The following ANKRD30BL variants were observed in gnomAD, a reference collection of about 807,000 sequenced individuals.
ANKRD30BL encodes ankyrin repeat domain 30B like, also known as putative ankyrin repeat domain-containing protein 30B-like.
Under a neutral mutation model 18.4 loss-of-function variants are expected in ANKRD30BL, and 20 were observed. The observed-to-expected ratio is 1.09, with a 90% CI of 0.77 to 1.58. The LOEUF (loss-of-function observed/expected upper bound fraction) is 1.58. Among genes scored for constraint, ANKRD30BL ranks in the 40% most tolerant of loss-of-function variants. The pLI, the probability that ANKRD30BL is intolerant of heterozygous loss-of-function variation, is 0.00. For missense variants in ANKRD30BL, 224 were observed against 268.6 expected (o/e 0.83, Z 1.16); for synonymous variants, 72 against 100.9 (o/e 0.71, Z 1.72).
upstream of ANKRD30BL, chr2:132,161,986 G>A (rs368671388): frequency 3.1e-6 from 1 of 323,118 alleles, no homozygotes; most frequent in South Asian, 4.3e-5. Context: ...GCAGACCTGG[G>A]AGACACGCGA....
In ANKRD30BL at chr2:132,157,386, C is replaced by A. The variant is rs1687939980; in HGVS notation, c.256G>T (p.Glu86Ter). 2 of 752,072 alleles carry A rather than the reference C, an allele frequency of 2.7e-6. No homozygotes were observed. The highest frequency in any genetic ancestry group is 5.0e-5 in the East Asian group (2 of 40,122). The allele number at this position is 752,072 out of a possible 1,614,324, so 46.6% of individuals were successfully genotyped here. A position where few individuals can be genotyped will look rare whatever the true frequency, so the allele number is the denominator to read the frequency against. ...LYWACANGHAEVVTLLVDRKC... is the reference protein window; with the variant it reads ...LYWACANGHA Reference sequence around the variant, plus strand: ...CTATCTACCAGAAGTGTTACTACTTCTGCATGGCCATTGGCACAGGCCCAG... The same window carrying A: ...CTATCTACCAGAAGTGTTACTACTTATGCATGGCCATTGGCACAGGCCCAG... Residue 86 changes from glutamate to a stop codon, truncating the protein, a stop_gained, in exon 2 of 6, where the codon GAA becomes TAA. Coordinates refer to ENST00000409867, the MANE Select transcript of ANKRD30BL (RefSeq NM_001358416.1). LOFTEE classifies it high-confidence loss of function.
At chr2:132,202,772 G>C (rs1312669629) in intron 1 of ANKRD30BL, among the ~76,000 whole-genome samples, 1 of 152,118 alleles carries the variant, frequency 6.6e-6, no homozygotes, top group Non-Finnish European at 1.5e-5. Context: ...GAATGACAAT[G>C]GAATATCAGT....
chr2:132,222,151 ACCCC>A (rs1679709097), intron 1 of ANKRD30BL, among the ~76,000 whole-genome samples: 3 of 128,044 alleles, frequency 2.3e-5, no homozygotes, highest in African/African-American at 6.0e-5. Context: ...CTGCCCGGCC[ACCCC>A]TACTGGGAAG....
chr2:132,179,495 G>A (rs968786148), intron 1 of ANKRD30BL, among the ~76,000 whole-genome samples: 9 of 151,932 alleles, frequency 5.9e-5, no homozygotes, highest in Non-Finnish European at 1.3e-4. Flanking sequence ...CACCATGTTG[G>A]CCAGGCTGCT....
chr2:132,173,297 G>C (rs1441708966), intron 1 of ANKRD30BL, among the ~76,000 whole-genome samples: 2 of 135,050 alleles, frequency 1.5e-5, no homozygotes, highest in South Asian at 2.4e-4. Flanking sequence ...AATCAATTTT[G>C]CTTCTTTTTT....
rs78733793 is a variant in ANKRD30BL at position 132,229,930 on chromosome 2, C to T, written n.441+27599G>A. On this transcript the variant is annotated intron_variant and non_coding_transcript_variant, in intron 1 of 4. Transcript: ENST00000470729. ...AGTATCTGCAAGTGGATATTTGGAA[C>T]GCTTGGAGGCCTTCTTTATAAACGT... Among the ~76,000 whole-genome samples the T allele has an allele frequency of 4.9e-3, 738 of 151,962 alleles. 10 individuals are homozygous for T. The highest frequency in any genetic ancestry group is 0.017 in the African/African-American group (695 of 41,486).
At chr2:132,236,229 A>G (rs996692426) in intron 1 of ANKRD30BL, among the ~76,000 whole-genome samples, 1 of 151,932 alleles carries the variant, frequency 6.6e-6, no homozygotes, top group Non-Finnish European at 1.5e-5. Flanking sequence ...CTAAAACCAT[A>G]AAAACCCTAG....
At chr2:132,228,946 T>TA (rs1033552608) in intron 1 of ANKRD30BL, among the ~76,000 whole-genome samples, 29 of 152,086 alleles carry the variant, frequency 1.9e-4, no homozygotes, top group African/African-American at 6.5e-4. Flanking sequence ...TATCTTCACA[T>TA]AAAAAATAGA....
At chr2:132,223,237 A>G (rs1679744686) in intron 1 of ANKRD30BL, among the ~76,000 whole-genome samples, 1 of 152,092 alleles carries the variant, frequency 6.6e-6, no homozygotes, top group Non-Finnish European at 1.5e-5. Flanking sequence ...TTTCAAGTGG[A>G]TATTTTTACT....
intron 4 of ANKRD30BL, among the ~76,000 whole-genome samples, chr2:132,151,983 C>CA (rs1415652019): frequency 6.6e-6 from 1 of 151,994 alleles, no homozygotes; most frequent in Non-Finnish European, 1.5e-5. Context: ...CTGTGGAAGA[C>CA]AAAACCCTAC....
At chr2:132,215,314 G>A (rs1679469429) in intron 1 of ANKRD30BL, among the ~76,000 whole-genome samples, 1 of 151,990 alleles carries the variant, frequency 6.6e-6, no homozygotes. Flanking sequence ...AAGGGGACAT[G>A]CGGAGCTCTT....
At chr2:132,204,690 T>G (rs1415350237) in intron 1 of ANKRD30BL, among the ~76,000 whole-genome samples, 5 of 152,120 alleles carry the variant, frequency 3.3e-5, no homozygotes, top group Admixed American at 3.3e-4. Flanking sequence ...TAGAAACAGC[T>G]GAACTTAATA....
chr2:132,161,861 C>G lies in ANKRD30BL; in HGVS notation c.-156G>C. On this transcript the variant is annotated 5_prime_UTR_variant, in exon 1 of 6. Transcript: ENST00000409867. ...AGCTTTTGGACACTCCAACCTCTCC[C>G]GGGAGAAAATGGCTGCGCAAAACCG... 1 of 604,128 alleles carries G rather than the reference C, an allele frequency of 1.7e-6. No homozygotes were observed. The highest frequency in any genetic ancestry group is 2.8e-5 in the East Asian group (1 of 35,794). The allele number at this position is 604,128 out of a possible 1,614,324, so 37.4% of individuals were successfully genotyped here.
At chr2:132,178,421 C>T (rs1688400815) in intron 1 of ANKRD30BL, among the ~76,000 whole-genome samples, 1 of 152,068 alleles carries the variant, frequency 6.6e-6, no homozygotes, top group Admixed American at 6.6e-5. Flanking sequence ...TTCCAGGTGG[C>T]CAGATGATTT....
chr2:132,177,153 AT>A lies in ANKRD30BL; in HGVS notation n.442-20008del, dbSNP rs143824901. On this transcript the variant is annotated intron_variant and non_coding_transcript_variant, in intron 1 of 4. Coordinates refer to the ANKRD30BL transcript ENST00000470729. ...GCCATTTCCTTAGCCAGATGTGCCT[AT>A]TTTTTTTTTTTTATTTTTGAGATGG... Among the ~76,000 whole-genome samples, 1,116 of 143,682 alleles carry A rather than the reference AT, an allele frequency of 7.8e-3. 8 individuals are homozygous for A. Among genetic ancestry groups the A allele is most frequent in the African/African-American group, 0.016 (643 of 39,714 alleles). The allele number at this position is 143,682 out of a possible 152,430, so 94.3% of individuals were successfully genotyped here. A position where few individuals can be genotyped will look rare whatever the true frequency, so the allele number is the denominator to read the frequency against.
intron 1 of ANKRD30BL, among the ~76,000 whole-genome samples, chr2:132,207,693 T>C (rs955929565): frequency 1.9e-4 from 29 of 152,194 alleles, no homozygotes; most frequent in African/African-American, 7.0e-4. Flanking sequence ...TAATCCAGAC[T>C]TTTTCCTCCT....
chr2:132,245,544 C>T (rs1680474470), intron 1 of ANKRD30BL, among the ~76,000 whole-genome samples: 1 of 152,278 alleles, frequency 6.6e-6, no homozygotes, highest in Admixed American at 6.5e-5. Flanking sequence ...AGTTTTGAAA[C>T]ACTCTTTTTG....
At position 132,230,950 on chromosome 2, in the gene ANKRD30BL, G is replaced by A. The variant is rs1236574439; in HGVS notation, n.441+26579C>T. ...TTGTAAAATCTGCAAGTGGATAGATGGAATGCTTTGCAGCCTTCATTGGAA... is the reference window on the plus strand; with the variant it reads ...TTGTAAAATCTGCAAGTGGATAGATAGAATGCTTTGCAGCCTTCATTGGAA... On this transcript the variant is annotated intron_variant and non_coding_transcript_variant, in intron 1 of 4. Transcript: ENST00000470729. 3.9e-5 allele frequency among the ~76,000 whole-genome samples: 6 copies of A among 152,092 alleles called. No individual in the cohort carries two copies. The East Asian group carries it at 9.6e-4, about 24-fold the overall frequency.
At chr2:132,240,666 C>T (rs74424820) in intron 1 of ANKRD30BL, among the ~76,000 whole-genome samples, 1 of 151,078 alleles carries the variant, frequency 6.6e-6, no homozygotes, top group African/African-American at 2.4e-5. Context: ...ATTATCTTCA[C>T]ATAAAAACTA....
Sources: allele counts gnomAD v4.1 joint callset (sites outside exome capture counted in the v4.1 genomes callset), GRCh38; gene constraint gnomAD v4.1.1; transcripts MANE v1.5; gene names NCBI Gene and HGNC (gene_info 2026-07-23, HGNC 2026-07-21).